The following MACROD1 variants were observed in gnomAD, a reference collection of about 807,000 sequenced individuals.
MACROD1 encodes the protein mono-ADP ribosylhydrolase 1.
Under a neutral mutation model 41.4 loss-of-function variants are expected in MACROD1, and 31 were observed. The observed-to-expected ratio is 0.75, with a 90% CI of 0.56 to 1.01. The LOEUF is 1.01. Ranked by LOEUF, MACROD1 falls within the 50% of genes least tolerant of loss-of-function variation. MACROD1 has a pLI of 0.00. For missense variants in MACROD1, 473 were observed against 460.0 expected (o/e 1.03, Z -0.26); for synonymous variants, 252 against 203.4 (o/e 1.24, Z -2.03).
chr11:64,053,184 CT>C (rs1308361619), intron 3 of MACROD1, among the ~76,000 whole-genome samples: 2 of 152,242 alleles, frequency 1.3e-5, no homozygotes, highest in Admixed American at 1.3e-4. Flanking sequence ...GCTTGGGGCC[CT>C]GGGGTGGGCG....
chr11:64,122,883 C>T lies in MACROD1; in HGVS notation c.517+28356G>A, dbSNP rs574135743. On this transcript the variant is annotated intron_variant, in intron 3 of 10. Coordinates refer to ENST00000255681, the MANE Select transcript of MACROD1 (RefSeq NM_014067.4). This position sits in a 1 kb window ranked among gnomAD's most constrained non-coding sequence, Gnocchi z 4.0. Reference sequence around the variant, plus strand: ...AACCTGTGCCTCCCTCCTTCACCTCCGGCCCTGGAGCCAAGGAGCCAGGAG... The same window carrying T: ...AACCTGTGCCTCCCTCCTTCACCTCTGGCCCTGGAGCCAAGGAGCCAGGAG... Among the ~76,000 whole-genome samples the T allele has an allele frequency of 4.8e-4, 73 of 152,286 alleles. No individual in the cohort carries two copies. The highest frequency in any genetic ancestry group is 1.4e-3 in the African/African-American group (58 of 41,548).
chr11:64,051,723 C>G (rs1300608625), intron 3 of MACROD1, among the ~76,000 whole-genome samples: 1 of 152,162 alleles, frequency 6.6e-6, no homozygotes, highest in African/African-American at 2.4e-5. Flanking sequence ...CCTCCCTGAA[C>G]AGTGGTTTGG....
At chr11:64,004,729 C>A (rs1942882227) in intron 4 of MACROD1, among the ~76,000 whole-genome samples, 1 of 152,146 alleles carries the variant, frequency 6.6e-6, no homozygotes, top group Admixed American at 6.5e-5. Flanking sequence ...CACTTAACCT[C>A]TCTGAGTCTC....
intron 3 of MACROD1, among the ~76,000 whole-genome samples, chr11:64,021,949 G>GGGGGGGGGGGGGGGGGGA (rs1565197660): frequency 3.9e-5 from 1 of 25,752 alleles, no homozygotes; most frequent in African/African-American, 1.5e-4. Flanking sequence ...GGGGGGGGGG[G>GGGGGGGGGGGGGGGGGGA]GGTGTGAGGT....
Position 63,999,316 on chromosome 11 carries a change from G to A in MACROD1, c.891+15C>T. The A allele has an allele frequency of 1.3e-6, 2 of 1,558,428 alleles. No homozygotes were observed. Among genetic ancestry groups the A allele is most frequent in the Middle Eastern group, 2.2e-4 (1 of 4,594 alleles). On this transcript the variant is annotated intron_variant, in intron 8 of 10. Coordinates refer to ENST00000255681, the MANE Select transcript of MACROD1 (RefSeq NM_014067.4). The stretch of plus-strand genomic sequence containing the variant: ...CGGGATGCGGACCCCACCCTCGCCC[G>A]GGCCCAGGACTCACCTTGTCCTTGT...
chr11:64,139,800 C>CA (rs933472252), intron 3 of MACROD1, among the ~76,000 whole-genome samples: 2 of 151,902 alleles, frequency 1.3e-5, no homozygotes, highest in African/African-American at 4.8e-5. Context: ...ACTAAAAATA[C>CA]AAAAAATTAG....
intron 1 of MACROD1, among the ~76,000 whole-genome samples, chr11:64,157,311 C>A (rs1046616693): frequency 1.3e-5 from 2 of 152,260 alleles, no homozygotes; most frequent in Non-Finnish European, 2.9e-5. Flanking sequence ...CCAAGCTGGT[C>A]GTGAACTCCT....
intron 3 of MACROD1, among the ~76,000 whole-genome samples, chr11:64,029,223 A>G (rs1272558487): frequency 6.6e-6 from 1 of 152,170 alleles, no homozygotes; most frequent in Non-Finnish European, 1.5e-5. Context: ...CTGGGCCTCA[A>G]GAGCCTTTGC....
intron 3 of MACROD1, among the ~76,000 whole-genome samples, chr11:64,144,649 C>CA (rs1229220749): frequency 6.6e-6 from 1 of 151,980 alleles, no homozygotes; most frequent in Non-Finnish European, 1.5e-5. Flanking sequence ...TTGGCTTCCC[C>CA]GAGGAGGAGG....
chr11:64,068,911 TCCGTGTGAACCCCCACCCCAGAG>T (rs1266911386), intron 3 of MACROD1, among the ~76,000 whole-genome samples: 2 of 152,208 alleles, frequency 1.3e-5, no homozygotes, highest in Non-Finnish European at 2.9e-5. Flanking sequence ...GAAATGGGCA[TCCGTGTGAACCCCCACCCCAGAG>T]TGGCCCAGGT....
At chr11:64,164,177 C>G (rs1945799193) in intron 1 of MACROD1, among the ~76,000 whole-genome samples, 1 of 152,244 alleles carries the variant, frequency 6.6e-6, no homozygotes, top group African/African-American at 2.4e-5. Context: ...TGACACATGT[C>G]TGAGTCCCCA....
At chr11:64,155,980 T>C (rs1277823205) in intron 1 of MACROD1, among the ~76,000 whole-genome samples, 3 of 151,946 alleles carry the variant, frequency 2.0e-5, no homozygotes, top group Admixed American at 6.6e-5. Context: ...TGGTGGTACA[T>C]GCCTGTAATC....
chr11:64,099,995 C>T (rs1304118002), intron 3 of MACROD1, among the ~76,000 whole-genome samples: 1 of 152,150 alleles, frequency 6.6e-6, no homozygotes, highest in Non-Finnish European at 1.5e-5. Flanking sequence ...TGGTCCGTTT[C>T]TCTTGCGCTG....
chr11:64,112,605 G>A (rs1468771307), intron 3 of MACROD1, among the ~76,000 whole-genome samples: 2 of 151,130 alleles, frequency 1.3e-5, no homozygotes, highest in East Asian at 3.8e-4. Flanking sequence ...GGAACTGAGA[G>A]GAGTATCTGG....
At chr11:64,046,785 C>T (rs111239713) in intron 3 of MACROD1, among the ~76,000 whole-genome samples, 14 of 152,264 alleles carry the variant, frequency 9.2e-5, no homozygotes, top group African/African-American at 2.6e-4. Flanking sequence ...AGGCGTGAGC[C>T]GCTGCGCCTG....
intron 4 of MACROD1, among the ~76,000 whole-genome samples, chr11:64,010,610 G>GGC (rs1430576213): frequency 1.3e-5 from 2 of 149,808 alleles, no homozygotes; most frequent in Admixed American, 6.6e-5. Flanking sequence ...CATGTTGCTT[G>GGC]AGGTGTTGGC....
chr11:64,154,371 G>A (rs987555292), intron 1 of MACROD1, among the ~76,000 whole-genome samples: 24 of 151,890 alleles, frequency 1.6e-4, no homozygotes, highest in Non-Finnish European at 1.2e-4. Context: ...ATTGATCCCC[G>A]TGACACCCTA....
Position 64,090,863 on chromosome 11 carries a change from G to A in MACROD1, c.517+60376C>T, listed in dbSNP as rs1446819003. Among the ~76,000 whole-genome samples, 2 of 152,228 alleles carry A rather than the reference G, an allele frequency of 1.3e-5. No individual in the cohort carries two copies. The highest frequency in any genetic ancestry group is 3.9e-4 in the East Asian group (2 of 5,162). The stretch of plus-strand genomic sequence containing the variant: ...CAGCCCTGCACTCCCAGGGAGCCCT[G>A]AGGGACGAAGTAAAGCAGGAGAGGG... On this transcript the variant is annotated intron_variant, in intron 3 of 10. Transcript: ENST00000255681. The surrounding 1 kb of genome is among the most constrained non-coding windows in gnomAD (Gnocchi z 4.7).
At position 64,064,685 on chromosome 11, in the gene MACROD1, A is replaced by C. The variant is rs1943963795; in HGVS notation, c.518-49404T>G. ...GGACATTAAACGGCACCGAGATAGA[A>C]GGAGGGGGGCCCTCCCTGAGTTCTC... On this transcript the variant is annotated intron_variant, in intron 3 of 10. Coordinates refer to ENST00000255681, the MANE Select transcript of MACROD1 (RefSeq NM_014067.4). The surrounding 1 kb of genome is among the most constrained non-coding windows in gnomAD (Gnocchi z 4.5). 6.8e-6 allele frequency among the ~76,000 whole-genome samples: 1 copy of C among 147,902 alleles called. No individual in the cohort carries two copies. The highest frequency in any genetic ancestry group is 3.2e-3 in the Middle Eastern group (1 of 316).
Sources: gnomAD v4.1 joint callset for allele counts (sites outside exome capture counted in the v4.1 genomes callset) on GRCh38, gnomAD v4.1.1 for gene constraint, Gnocchi (gnomAD v3.1) non-coding constraint, MANE v1.5 for transcripts, NCBI Gene and HGNC (gene_info 2026-07-23, HGNC 2026-07-21) for gene names.